CSNK1G1: variants seen among roughly 807,000 people sequenced by gnomAD.
CSNK1G1 encodes casein kinase I isoform gamma-1.
CSNK1G1 carries 22 observed loss-of-function variants against 59.6 expected under a neutral mutation model. The ratio of observed to expected loss-of-function variants is 0.37; its 90% confidence interval spans 0.26 to 0.53. The LOEUF (loss-of-function observed/expected upper bound fraction) is 0.53, where lower values mean the gene tolerates loss of function less well. Ranked by LOEUF, CSNK1G1 falls within the 20% of genes least tolerant of loss-of-function variation. CSNK1G1 has a pLI of 0.89. For synonymous variants in CSNK1G1, 179 were observed against 177.1 expected (o/e 1.01, Z -0.08); for missense variants, 384 against 519.5 (o/e 0.74, Z 2.54).
At chr15:64,319,324 G>C (rs77371604) in intron 1 of CSNK1G1, among the ~76,000 whole-genome samples, 1 of 151,958 alleles carries the variant, frequency 6.6e-6, no homozygotes, top group East Asian at 1.9e-4. Context: ...TGTCCCATTT[G>C]ATTTTCTTGT....
At chr15:64,179,189 T>G (rs1454622456) in intron 11 of CSNK1G1, among the ~76,000 whole-genome samples, 1 of 141,140 alleles carries the variant, frequency 7.1e-6, no homozygotes, top group African/African-American at 2.7e-5. Flanking sequence ...GAGGCTGCAG[T>G]TAGCCATGAT....
At chr15:64,229,528 T>TTCTCTCTCTCTCTCTC (rs34099287) in intron 4 of CSNK1G1, among the ~76,000 whole-genome samples, 10 of 144,318 alleles carry the variant, frequency 6.9e-5, no homozygotes, top group African/African-American at 2.3e-4. Context: ...CTCTCTCTCT[T>TTCTCTCTCTCTCTCTC]TCTCTCTCTC....
rs367693773 is a variant in CSNK1G1 at position 64,203,199 on chromosome 15, T to C, written c.1000-10A>G. 85 of 1,602,738 alleles carry C rather than the reference T, an allele frequency of 5.3e-5. No individual in the cohort carries two copies. In the African/African-American group the frequency reaches 1.0e-3, roughly 19 times the overall value. On this transcript the variant is annotated splice_polypyrimidine_tract_variant and intron_variant, in intron 9 of 11. Transcript: ENST00000303052. The stretch of plus-strand genomic sequence containing the variant: ...ACCCTACTGGAGTAGGCTAGAAAAA[T>C]GAAACAAAAAGTCAAATGGGGGAAA...
chr15:64,355,230 C>A (rs779805138), intron 1 of CSNK1G1, among the ~76,000 whole-genome samples: 3 of 152,152 alleles, frequency 2.0e-5, no homozygotes, highest in Non-Finnish European at 2.9e-5. Context: ...TTGTTAAATG[C>A]TTTTCAGAAT....
chr15:64,325,255 C>T (rs765245155), intron 1 of CSNK1G1, among the ~76,000 whole-genome samples: 1 of 152,180 alleles, frequency 6.6e-6, no homozygotes, highest in Non-Finnish European at 1.5e-5. Flanking sequence ...GATATAGCTA[C>T]AGTTACATTA....
chr15:64,343,156 G>A (rs940611371), intron 1 of CSNK1G1, among the ~76,000 whole-genome samples: 6 of 141,282 alleles, frequency 4.2e-5, no homozygotes, highest in Non-Finnish European at 1.5e-5. Flanking sequence ...AGGTTGCAGC[G>A]AGCTGAGATC....
intron 1 of CSNK1G1, among the ~76,000 whole-genome samples, chr15:64,326,879 G>C (rs1896871571): frequency 6.6e-6 from 1 of 151,130 alleles, no homozygotes; most frequent in African/African-American, 2.4e-5. Context: ...AAGGGGTCAG[G>C]GAGTTCCCTT....
At chr15:64,308,076 T>A (rs1282403955) in intron 1 of CSNK1G1, among the ~76,000 whole-genome samples, 1 of 152,120 alleles carries the variant, frequency 6.6e-6, no homozygotes, top group Non-Finnish European at 1.5e-5. Flanking sequence ...ACTTAATCTA[T>A]AATACTTATT....
At chr15:64,183,107 T>A (rs1391729760) in intron 10 of CSNK1G1, among the ~76,000 whole-genome samples, 1 of 152,238 alleles carries the variant, frequency 6.6e-6, no homozygotes. Context: ...TGGCTTCTAC[T>A]CACACGAATG....
chr15:64,247,747 T>G (rs555053686), intron 4 of CSNK1G1, among the ~76,000 whole-genome samples: 1 of 152,292 alleles, frequency 6.6e-6, no homozygotes, highest in South Asian at 2.1e-4. Context: ...AAGGCCAAGG[T>G]AATGATTAAG....
chr15:64,168,193 T>A lies in CSNK1G1; in HGVS notation c.*3738A>T, dbSNP rs1016923813. ...CATCTGTAGCTCATGCATTCCAATA[T>A]AAAATGGGATTTTAACTGGAAGCTA... is the stretch of plus-strand genomic sequence containing the variant. On this transcript the variant is annotated 3_prime_UTR_variant, in exon 12 of 12. Transcript: ENST00000303052. 4.6e-5 allele frequency: 7 copies of A among 152,690 alleles called. No homozygotes were observed. Among genetic ancestry groups the A allele is most frequent in the African/African-American group, 1.7e-4 (7 of 41,472 alleles). The allele number at this position is 152,690 out of a possible 1,614,324, so 9.5% of individuals were successfully genotyped here. A position where few individuals can be genotyped will look rare whatever the true frequency, so the allele number is the denominator to read the frequency against.
intron 1 of CSNK1G1, among the ~76,000 whole-genome samples, chr15:64,333,432 T>G (rs1251340659): frequency 2.3e-3 from 1 of 434 alleles, no homozygotes; most frequent in Non-Finnish European, 0.019. Flanking sequence ...AGACACCATC[T>G]CAAAAAAAAA....
chr15:64,226,387 G>A (rs749611310), intron 4 of CSNK1G1, among the ~76,000 whole-genome samples: 1 of 151,886 alleles, frequency 6.6e-6, no homozygotes, highest in Non-Finnish European at 1.5e-5. Flanking sequence ...GAGAAACCCC[G>A]TCTCTACTAA....
chr15:64,333,622 C>A (rs191111476), intron 1 of CSNK1G1, among the ~76,000 whole-genome samples: 1 of 151,854 alleles, frequency 6.6e-6, no homozygotes, highest in Admixed American at 6.6e-5. Flanking sequence ...GTCTTAAATG[C>A]GCCACTTAAA....
intron 10 of CSNK1G1, chr15:64,181,414 C>T (rs188226725): frequency 7.6e-4 from 1,160 of 1,531,294 alleles, no homozygotes; most frequent in Non-Finnish European, 9.6e-4. Context: ...AAACACTCTG[C>T]TTGTTAAAGA....
rs181699181 is a variant in CSNK1G1 at position 64,183,797 on chromosome 15, G to T, written c.1108-3343C>A. Among the ~76,000 whole-genome samples, 4 of 150,104 alleles carry T rather than the reference G, an allele frequency of 2.7e-5. No homozygotes were observed. The East Asian group carries it at 7.8e-4, about 29-fold the overall frequency. On this transcript the variant is annotated intron_variant, in intron 10 of 11. Coordinates refer to ENST00000303052, the MANE Select transcript of CSNK1G1 (RefSeq NM_022048.5). ...GTTGCCCAGGCTGCAGTGCAGTGGCGTGATCTTGGCTCACTGCAACCTCTA... is the reference window on the plus strand; with the variant it reads ...GTTGCCCAGGCTGCAGTGCAGTGGCTTGATCTTGGCTCACTGCAACCTCTA...
At chr15:64,333,493 G>C (rs1897228273) in intron 1 of CSNK1G1, among the ~76,000 whole-genome samples, 1 of 120,094 alleles carries the variant, frequency 8.3e-6, no homozygotes, top group African/African-American at 3.2e-5. Flanking sequence ...GCTCCTGAAA[G>C]CACAAAACTC....
intron 4 of CSNK1G1, among the ~76,000 whole-genome samples, chr15:64,226,555 AAAACAAAC>A (rs141730302): frequency 2.0e-5 from 3 of 148,416 alleles, no homozygotes; most frequent in African/African-American, 5.1e-5. Flanking sequence ...ATTCCGTCTC[AAAACAAAC>A]AAACAAACAA....
At position 64,276,206 on chromosome 15, in the gene CSNK1G1, G is replaced by C. The variant is rs910682785; in HGVS notation, c.182-16965C>G. Among the ~76,000 whole-genome samples, 8 of 152,234 alleles carry C rather than the reference G, an allele frequency of 5.3e-5. 1 individual carries two copies. Among genetic ancestry groups the C allele is most frequent in the African/African-American group, 1.7e-4 (7 of 41,546 alleles). On this transcript the variant is annotated intron_variant, in intron 2 of 11. Transcript: ENST00000303052. ...AGAAAGTGTCTATGTACTTTCAAGG[G>C]CCTATGCTTTACAAAGAAAATTTGT...
Sources: allele counts gnomAD v4.1 joint callset (sites outside exome capture counted in the v4.1 genomes callset), GRCh38; gene constraint gnomAD v4.1.1; transcripts MANE v1.5; gene names NCBI Gene and HGNC (gene_info 2026-07-23, HGNC 2026-07-21).